LRP4: variants seen among roughly 807,000 people sequenced by gnomAD.
LRP4 encodes the protein low-density lipoprotein receptor-related protein 4.
In LRP4, 95 loss-of-function variants were observed where a neutral mutation model predicts 220.3. The observed-to-expected ratio is 0.43, with a 90% CI of 0.37 to 0.51. LRP4 has a LOEUF of 0.51. Ranked by LOEUF, LRP4 falls within the 20% of genes least tolerant of loss-of-function variation. LRP4 has a pLI of 0.00. For synonymous variants in LRP4, 903 were observed against 954.6 expected, an observed-to-expected ratio of 0.95 and a Z score of 1.00; for missense variants, 1,925 against 2,567.0, an observed-to-expected ratio of 0.75 and a Z score of 5.40.
Position 46,874,467 on chromosome 11 carries a change from G to A in LRP4, c.4229+333C>T, listed in dbSNP as rs1056473054. 8 of 294,444 alleles carry A rather than the reference G, an allele frequency of 2.7e-5. No homozygotes were observed. In the South Asian group the frequency reaches 3.5e-4, roughly 13 times the overall value. 18.2% of individuals were successfully genotyped at this position (294,444 alleles called of 1,614,324 possible). On this transcript the variant is annotated intron_variant, in intron 28 of 37. Coordinates refer to ENST00000378623, the MANE Select transcript of LRP4 (RefSeq NM_002334.4). Reference sequence around the variant, plus strand: ...CTCCTTTACTGCAATACAGATACTGGTTATATGGCCTACTCATCAGTAAGT... The same window carrying A: ...CTCCTTTACTGCAATACAGATACTGATTATATGGCCTACTCATCAGTAAGT...
intron 37 of LRP4, among the ~76,000 whole-genome samples, 172 bp from the exon 38 acceptor site, chr11:46,859,487 G>A (rs1192843663): frequency 6.6e-6 from 1 of 152,114 alleles, no homozygotes; most frequent in African/African-American, 2.4e-5. Context: ...AGCCTAAAAG[G>A]GGAGAGGCAG....
chr11:46,872,029 G>A (rs570585326), intron 30 of LRP4, among the ~76,000 whole-genome samples: 2 of 151,640 alleles, frequency 1.3e-5, no homozygotes, highest in Middle Eastern at 3.2e-3. Flanking sequence ...AGGCCGAGGC[G>A]GGGGATCACT....
At position 46,873,624 on chromosome 11, in the gene LRP4, C is replaced by A; in HGVS notation, c.4230-31G>T. The A allele has an allele frequency of 6.4e-7, 1 of 1,556,410 alleles. No individual in the cohort carries two copies. Among genetic ancestry groups the A allele is most frequent in the Non-Finnish European group, 8.8e-7 (1 of 1,132,234 alleles). ...GGAGAGCCCAGTGTTGGATGAGCAA[C>A]CAGACTGACCCAGAATAGAGTAGAA... On this transcript the variant is annotated intron_variant, in intron 28 of 37. Transcript: ENST00000378623. This position sits in a 1 kb window ranked among gnomAD's most constrained non-coding sequence, Gnocchi z 4.2.
chr11:46,876,823 C>A lies in LRP4; in HGVS notation c.3285G>T (p.Val1095=). 6.2e-7 allele frequency: 1 copy of A among 1,613,776 alleles called. No homozygotes were observed. Among genetic ancestry groups the A allele is most frequent in the Non-Finnish European group, 8.5e-7 (1 of 1,179,806 alleles). The change falls in exon 24 of 38, where the codon GTG becomes GTT. Residue 1095 remains valine, a synonymous_variant. Coordinates refer to ENST00000378623, the MANE Select transcript of LRP4 (RefSeq NM_002334.4). ...TGTGCAGTGTGCTGTCAGACCAGTA[C>A]ACCTTTCCTGGAGAGGGAAAGCTTG... ...AIGVDPQEGK[V]YWSDSTLHRI... is the part of the protein sequence containing the mutation.
Position 46,895,296 on chromosome 11 carries a change from G to T in LRP4, c.1184-5C>A. Reference sequence around the variant, plus strand: ...CCTCGGCACATTCATTCACATCTGGGAACACCAGGCAGGTCAAGAGATCTC... The same window carrying T: ...CCTCGGCACATTCATTCACATCTGGTAACACCAGGCAGGTCAAGAGATCTC... On this transcript the variant is annotated splice_region_variant and splice_polypyrimidine_tract_variant and intron_variant, in intron 10 of 37. Transcript: ENST00000378623. 1.2e-6 allele frequency: 2 copies of T among 1,612,416 alleles called. No homozygotes were observed. The highest frequency in any genetic ancestry group is 1.7e-6 in the Non-Finnish European group (2 of 1,180,004).
At position 46,873,656 on chromosome 11, in the gene LRP4, C is replaced by G; in HGVS notation, c.4230-63G>C. On this transcript the variant is annotated intron_variant, in intron 28 of 37. Transcript: ENST00000378623. The surrounding 1 kb of genome is among the most constrained non-coding windows in gnomAD (Gnocchi z 4.2). Reference sequence around the variant, plus strand: ...GACCCAGAATAGAGTAGAACTTTAACCCATGTTCCCATAACTGGACCCCAC... The same window carrying G: ...GACCCAGAATAGAGTAGAACTTTAAGCCATGTTCCCATAACTGGACCCCAC... 1 of 1,367,786 alleles carries G rather than the reference C, an allele frequency of 7.3e-7. No individual in the cohort carries two copies. The highest frequency in any genetic ancestry group is 1.3e-5 in the South Asian group (1 of 78,598). The allele number at this position is 1,367,786 out of a possible 1,614,324, so 84.7% of individuals were successfully genotyped here. A position where few individuals can be genotyped will look rare whatever the true frequency, so the allele number is the denominator to read the frequency against.
intron 16 of LRP4, among the ~76,000 whole-genome samples, chr11:46,888,563 A>AAAAAAAAAAAG (rs1565792057): frequency 5.5e-5 from 8 of 145,218 alleles, no homozygotes; most frequent in African/African-American, 1.4e-4. Flanking sequence ...AAAAAAAAAA[A>AAAAAAAAAAAG]AAAAAAAAAA....
At chr11:46,916,322 C>T (rs924038194) in intron 1 of LRP4, among the ~76,000 whole-genome samples, 3 of 151,948 alleles carry the variant, frequency 2.0e-5, no homozygotes, top group Non-Finnish European at 4.4e-5. Context: ...TGCCTGTAGT[C>T]CCAGTTACTC....
intron 19 of LRP4, 152 bp from the exon 20 acceptor site, chr11:46,882,055 CTA>C: frequency 1.3e-6 from 1 of 742,040 alleles, no homozygotes; most frequent in Non-Finnish European, 2.4e-6. Context: ...GGGCTCAGCA[CTA>C]TCTCTGAATG....
intron 11 of LRP4, 77 bp downstream of exon 11, chr11:46,895,077 CCTCTCTGCAAAT>C (rs1941497184): frequency 1.3e-6 from 2 of 1,563,186 alleles, no homozygotes; most frequent in African/African-American, 2.7e-5. Context: ...AATCTCTCTA[CCTCTCTGCAAAT>C]CCCTGAGCAC....
In LRP4 at chr11:46,880,300, C is replaced by CAA. The variant is rs34098785; in HGVS notation, c.2815-987_2815-986dup. 2.9e-3 allele frequency among the ~76,000 whole-genome samples: 243 copies of CAA among 84,276 alleles called. 1 individual carries two copies. The highest frequency in any genetic ancestry group is 0.01 in the African/African-American group (229 of 22,766). 55.3% of individuals were successfully genotyped at this position (84,276 alleles called of 152,430 possible). A position where few individuals can be genotyped will look rare whatever the true frequency, so the allele number is the denominator to read the frequency against. On this transcript the variant is annotated intron_variant, in intron 20 of 37. Coordinates refer to ENST00000378623, the MANE Select transcript of LRP4 (RefSeq NM_002334.4). The stretch of plus-strand genomic sequence containing the variant: ...GGGCAACACACCAAGACTGCAGTCT[C>CAA]AAAAAAAAAAAAAAAAAAAGCTATG...
chr11:46,879,044 T>G lies in LRP4; in HGVS notation c.3005-6A>C, dbSNP rs917727746. 1 of 1,613,772 alleles carries G rather than the reference T, an allele frequency of 6.2e-7. No homozygotes were observed. Among genetic ancestry groups the G allele is most frequent in the Non-Finnish European group, 8.5e-7 (1 of 1,179,956 alleles). ...CATAGCACATGGTGTAGACACTGGG[T>G]AGAGAGGAGGGGATGTTCAATGGGG... is the stretch of plus-strand genomic sequence containing the variant. On this transcript the variant is annotated splice_region_variant and splice_polypyrimidine_tract_variant and intron_variant, in intron 21 of 37. Transcript: ENST00000378623.
At position 46,899,849 on chromosome 11, in the gene LRP4, T is replaced by C. The variant is rs1279534912; in HGVS notation, c.430+14A>G. 1 of 1,611,480 alleles carries C rather than the reference T, an allele frequency of 6.2e-7. No individual in the cohort carries two copies. Among genetic ancestry groups the C allele is most frequent in the East Asian group, 2.2e-5 (1 of 44,888 alleles). ...TGGCCACCTTGCCTGCCTTCCCCCG[T>C]TGGGGTCACCCACCACACTGCTCAT... On this transcript the variant is annotated intron_variant, in intron 4 of 37. Coordinates refer to ENST00000378623, the MANE Select transcript of LRP4 (RefSeq NM_002334.4). The surrounding 1 kb of genome is among the most constrained non-coding windows in gnomAD (Gnocchi z 5.9).
intron 13 of LRP4, among the ~76,000 whole-genome samples, chr11:46,892,730 C>T (rs1941448112): frequency 6.6e-6 from 1 of 152,200 alleles, no homozygotes; most frequent in Admixed American, 6.5e-5. Context: ...CGCCACCATG[C>T]CTGGCTAATT....
chr11:46,873,328 C>A lies in LRP4; in HGVS notation c.4448+47G>T. ...AGGACCCACTAACACCATCTTTCCA[C>A]CCAGCCCTTCTTCCCTGGATCTCTC... On this transcript the variant is annotated intron_variant, in intron 29 of 37. Transcript: ENST00000378623. The surrounding 1 kb of genome is among the most constrained non-coding windows in gnomAD (Gnocchi z 4.2). 5 of 1,612,174 alleles carry A rather than the reference C, an allele frequency of 3.1e-6. No homozygotes were observed. Among genetic ancestry groups the A allele is most frequent in the Non-Finnish European group, 4.2e-6 (5 of 1,178,734 alleles).
At chr11:46,881,389 C>T (rs1199899170) in intron 20 of LRP4, among the ~76,000 whole-genome samples, 1 of 152,186 alleles carries the variant, frequency 6.6e-6, no homozygotes, top group African/African-American at 2.4e-5. Flanking sequence ...CACAGTGCAA[C>T]TGGTAATTTA....
rs1941040903 is a variant in LRP4 at position 46,877,132 on chromosome 11, G to A, written c.3277+67C>T. The A allele has an allele frequency of 8.3e-6, 13 of 1,567,566 alleles. No individual in the cohort carries two copies. In the South Asian group the frequency reaches 1.3e-4, roughly 16 times the overall value. On this transcript the variant is annotated intron_variant, in intron 23 of 37. Transcript: ENST00000378623. ...TTGGCAGGAGACAAAGGTGGTGGGA[G>A]AGGAAAGACAGTAATTGTTGAAGGG...
rs141213903 is a variant in LRP4 at position 46,868,615 on chromosome 11, G to A, written c.4936C>T (p.Arg1646Trp). ...VCACPDEPDSRPCSLVPGLVP... is the reference protein window; with the variant it reads ...VCACPDEPDSWPCSLVPGLVP... ...TCCAACTCACCAAGGGAGCAGGGCC[G>A]GCTATCAGGTTCGTCAGGACAGGCA... The change falls in exon 33 of 38, where the codon CGG (arginine) becomes TGG (tryptophan). Residue 1646 changes from arginine to tryptophan, a missense_variant. Physicochemically the swap from Arg to Trp is moderately radical, Grantham distance 101. Coordinates refer to ENST00000378623, the MANE Select transcript of LRP4 (RefSeq NM_002334.4). The A allele has an allele frequency of 5.9e-5, 96 of 1,613,754 alleles. No homozygotes were observed. In the African/African-American group the frequency reaches 1.1e-3, roughly 18 times the overall value.
intron 37 of LRP4, chr11:46,860,991 C>T: frequency 1.0e-6 from 1 of 983,348 alleles, no homozygotes; most frequent in Non-Finnish European, 1.2e-6. Flanking sequence ...GAAAGAGCTG[C>T]TGAGGAAGAA....
Sources: gnomAD v4.1 joint callset for allele counts (sites outside exome capture counted in the v4.1 genomes callset) on GRCh38, gnomAD v4.1.1 for gene constraint, Gnocchi (gnomAD v3.1) non-coding constraint, MANE v1.5 for transcripts, NCBI Gene and HGNC (gene_info 2026-07-23, HGNC 2026-07-21) for gene names.